Variants in CDC14A observed in about 807,000 individuals in gnomAD.
CDC14A encodes dual specificity protein phosphatase CDC14A.
A neutral mutation model predicts 74.4 loss-of-function variants in CDC14A; 53 were observed. The observed-to-expected ratio is 0.71, with a 90% CI of 0.57 to 0.89. The LOEUF is 0.89. CDC14A is among the 40% of genes least tolerant of loss of function. The probability of loss-of-function intolerance (pLI) is 0.00; values close to 1 mark genes in which losing one functional copy is unlikely to be tolerated. For missense variants in CDC14A, 646 were observed against 713.7 expected, an observed-to-expected ratio of 0.91 and a Z score of 1.08; for synonymous variants, 247 against 258.4, an observed-to-expected ratio of 0.96 and a Z score of 0.43.
At position 100,388,168 on chromosome 1, in the gene CDC14A, T is replaced by C. The variant is rs529377842; in HGVS notation, c.217-2564T>C. On this transcript the variant is annotated intron_variant, in intron 3 of 15. Coordinates refer to ENST00000336454, the MANE Select transcript of CDC14A (RefSeq NM_003672.4). ...GAGTCCCTATGCTCAGTCTGACTCA[T>C]GTTTATTGAGAGCCTGGCCTGTGTA... Among the ~76,000 whole-genome samples, 42 of 152,044 alleles carry C rather than the reference T, an allele frequency of 2.8e-4. No homozygotes were observed. In the East Asian group the frequency reaches 6.6e-3, roughly 24 times the overall value.
intron 7 of CDC14A, among the ~76,000 whole-genome samples, chr1:100,453,665 A>C (rs1160622961): frequency 6.6e-6 from 1 of 152,180 alleles, no homozygotes; most frequent in Non-Finnish European, 1.5e-5. Context: ...TTTGAGACAG[A>C]GTCTCACTCT....
chr1:100,371,355 G>C (rs763771056), intron 2 of CDC14A, among the ~76,000 whole-genome samples: 15 of 152,112 alleles, frequency 9.9e-5, no homozygotes, highest in Non-Finnish European at 1.6e-4. Flanking sequence ...TGGTAAGAGT[G>C]GGCATCCTTG....
At chr1:100,397,771 T>TAA (rs1442120362) in intron 4 of CDC14A, among the ~76,000 whole-genome samples, 1 of 152,238 alleles carries the variant, frequency 6.6e-6, no homozygotes, top group African/African-American at 2.4e-5. Flanking sequence ...GTTAAGTCTT[T>TAA]GCATTGCTAA....
At chr1:100,454,137 GT>G (rs899735843) in intron 7 of CDC14A, among the ~76,000 whole-genome samples, 1 of 151,076 alleles carries the variant, frequency 6.6e-6, no homozygotes, top group African/African-American at 2.4e-5. Context: ...AATGGCTCCA[GT>G]TTTTTTTTGA....
intron 2 of CDC14A, among the ~76,000 whole-genome samples, chr1:100,362,138 A>G (rs1031166125): frequency 4.6e-5 from 7 of 152,146 alleles, no homozygotes; most frequent in Non-Finnish European, 1.0e-4. Context: ...GGGGGTCATT[A>G]TAATGGAGTC....
chr1:100,469,151 T>C (rs1668141682), intron 10 of CDC14A, among the ~76,000 whole-genome samples: 2 of 152,188 alleles, frequency 1.3e-5, no homozygotes, highest in African/African-American at 4.8e-5. Flanking sequence ...ATGATCATGA[T>C]CATGTGTGAA....
At chr1:100,449,126 T>C (rs928462557) in intron 7 of CDC14A, among the ~76,000 whole-genome samples, 2 of 152,230 alleles carry the variant, frequency 1.3e-5, no homozygotes, top group African/African-American at 4.8e-5. Flanking sequence ...GGGTGCTCTT[T>C]TGGGGAAAGA....
At chr1:100,366,202 A>C (rs182204099) in intron 2 of CDC14A, among the ~76,000 whole-genome samples, 8 of 152,298 alleles carry the variant, frequency 5.3e-5, no homozygotes, top group Middle Eastern at 3.4e-3. Context: ...ATCTTATAGA[A>C]TTTATTCATC....
intron 7 of CDC14A, among the ~76,000 whole-genome samples, chr1:100,446,607 T>A (rs1167555506): frequency 6.6e-6 from 1 of 152,004 alleles, no homozygotes; most frequent in Non-Finnish European, 1.5e-5. Context: ...GCATTTAACA[T>A]GTAAGCAATA....
intron 4 of CDC14A, among the ~76,000 whole-genome samples, chr1:100,416,978 C>T (rs1237385840): frequency 6.6e-6 from 1 of 152,120 alleles, no homozygotes. Context: ...TGAGTGTGTG[C>T]TACATGCCAG....
intron 14 of CDC14A, among the ~76,000 whole-genome samples, 179 bp from the exon 15 acceptor site, chr1:100,498,750 C>T (rs1571347515): frequency 6.6e-6 from 1 of 152,200 alleles, no homozygotes; most frequent in South Asian, 2.1e-4. Flanking sequence ...TAACTCAAGG[C>T]TACATATTAT....
chr1:100,423,743 A>G (rs1662627003), intron 4 of CDC14A: 2 of 156,114 alleles, frequency 1.3e-5, no homozygotes, highest in African/African-American at 4.8e-5. Context: ...GATTTTATTG[A>G]GTGTCTAGAG....
At chr1:100,383,577 A>T (rs1312723036) in intron 3 of CDC14A, 1 of 152,606 alleles carries the variant, frequency 6.6e-6, no homozygotes, top group African/African-American at 2.4e-5. Context: ...TTGCAGTGAG[A>T]TGACCACTGA....
At chr1:100,503,635 TATTA>T (rs1648978094) in intron 15 of CDC14A, among the ~76,000 whole-genome samples, 1 of 152,254 alleles carries the variant, frequency 6.6e-6, no homozygotes. Context: ...ATTTTATTTT[TATTA>T]ATTTGTCCTC....
intron 5 of CDC14A, among the ~76,000 whole-genome samples, chr1:100,426,677 T>C (rs1219150033): frequency 6.6e-6 from 1 of 152,208 alleles, no homozygotes; most frequent in Non-Finnish European, 1.5e-5. Context: ...TCTAGTCCTT[T>C]CCAGGTAACT....
chr1:100,502,264 T>G (rs951598350), intron 15 of CDC14A, among the ~76,000 whole-genome samples: 1 of 152,216 alleles, frequency 6.6e-6, no homozygotes, highest in Non-Finnish European at 1.5e-5. Flanking sequence ...CTTCCCTTCC[T>G]GCAAGCTCTA....
intron 2 of CDC14A, among the ~76,000 whole-genome samples, chr1:100,364,507 G>A (rs758536661): frequency 1.7e-4 from 26 of 151,982 alleles, no homozygotes; most frequent in Non-Finnish European, 3.7e-4. Flanking sequence ...CGTTGCCCCC[G>A]GCCCTGTGAT....
chr1:100,351,202 C>T (rs1650943064), upstream of CDC14A, among the ~76,000 whole-genome samples: 1 of 148,704 alleles, frequency 6.7e-6, no homozygotes. Flanking sequence ...TAAAACAAAA[C>T]ACACATTAAA....
At chr1:100,379,533 A>G (rs1360192388) in intron 3 of CDC14A, among the ~76,000 whole-genome samples, 2 of 152,256 alleles carry the variant, frequency 1.3e-5, no homozygotes, top group African/African-American at 2.4e-5. Context: ...GATTTACTGT[A>G]CCAGTCCAAA....
Sources: gnomAD v4.1 joint callset for allele counts (sites outside exome capture counted in the v4.1 genomes callset) on GRCh38, gnomAD v4.1.1 for gene constraint, MANE v1.5 for transcripts, NCBI Gene and HGNC (gene_info 2026-07-23, HGNC 2026-07-21) for gene names.